The following LPAR1 variants were observed in gnomAD, a reference collection of about 807,000 sequenced individuals.
The protein encoded by LPAR1 is LPA receptor 1.
In LPAR1, 5 loss-of-function variants were observed where a neutral mutation model predicts 23.8. That is an observed-to-expected ratio of 0.21 (90% CI 0.11 to 0.44). The LOEUF (loss-of-function observed/expected upper bound fraction) is 0.44, where lower values mean the gene tolerates loss of function less well. Among genes scored for constraint, LPAR1 ranks in the 20% least tolerant of loss-of-function variants. The pLI, the probability that LPAR1 is intolerant of heterozygous loss-of-function variation, is 0.99. For synonymous variants in LPAR1, 160 were observed against 164.7 expected (o/e 0.97, Z 0.22); for missense variants, 311 against 482.8 (o/e 0.64, Z 3.33).
intron 5 of LPAR1, among the ~76,000 whole-genome samples, chr9:110,917,459 A>T (rs1252775244): frequency 6.6e-6 from 1 of 152,222 alleles, no homozygotes; most frequent in Non-Finnish European, 1.5e-5. Flanking sequence ...GAGCCAACCA[A>T]TATATTAGAA....
intron 5 of LPAR1, among the ~76,000 whole-genome samples, chr9:110,885,933 C>G (rs1203470884): frequency 6.6e-6 from 1 of 152,172 alleles, no homozygotes; most frequent in East Asian, 1.9e-4. Flanking sequence ...CGTGGTGGCT[C>G]ATGCCTGTAA....
At chr9:110,904,301 CATT>C (rs1384486526) in intron 5 of LPAR1, among the ~76,000 whole-genome samples, 1 of 152,032 alleles carries the variant, frequency 6.6e-6, no homozygotes, top group African/African-American at 2.4e-5. Context: ...ATGACTTAAA[CATT>C]ATAACACCAT....
intron 2 of LPAR1, among the ~76,000 whole-genome samples, chr9:111,013,173 T>C (rs2140730124): frequency 6.6e-6 from 1 of 152,286 alleles, no homozygotes; most frequent in East Asian, 1.9e-4. Context: ...AGGCCAAAAG[T>C]GCTTGTAAAA....
At chr9:110,936,937 T>C (rs1398800872) in intron 5 of LPAR1, among the ~76,000 whole-genome samples, 1 of 152,198 alleles carries the variant, frequency 6.6e-6, no homozygotes, top group Non-Finnish European at 1.5e-5. Flanking sequence ...ACGGCCACTC[T>C]GACTCAATAG....
chr9:111,029,820 G>A (rs541170559), intron 2 of LPAR1, among the ~76,000 whole-genome samples: 3 of 151,768 alleles, frequency 2.0e-5, no homozygotes, highest in Non-Finnish European at 4.4e-5. Flanking sequence ...AGAGGCCGAG[G>A]CGGGTGGTTC....
intron 5 of LPAR1, among the ~76,000 whole-genome samples, chr9:110,877,650 T>C (rs2079474987): frequency 6.6e-6 from 1 of 152,220 alleles, no homozygotes; most frequent in Admixed American, 6.5e-5. Context: ...TGCCATTTAC[T>C]TGGAAACTAA....
intron 5 of LPAR1, among the ~76,000 whole-genome samples, chr9:110,892,384 A>T (rs2084507271): frequency 6.6e-6 from 1 of 152,142 alleles, no homozygotes; most frequent in Non-Finnish European, 1.5e-5. Flanking sequence ...GTCATAGCTC[A>T]GGCCGGCACG....
At chr9:110,932,081 A>G (rs1488648387) in intron 5 of LPAR1, among the ~76,000 whole-genome samples, 1 of 152,178 alleles carries the variant, frequency 6.6e-6, no homozygotes, top group Non-Finnish European at 1.5e-5. Flanking sequence ...TAACGACCTT[A>G]TGGCAAATAT....
At chr9:110,899,219 T>A (rs139339987) in intron 5 of LPAR1, among the ~76,000 whole-genome samples, 2 of 152,230 alleles carry the variant, frequency 1.3e-5, no homozygotes, top group African/African-American at 4.8e-5. Context: ...CAATTTACTA[T>A]GAAATTTCTA....
chr9:110,903,405 A>G (rs1463446107), intron 5 of LPAR1: 1 of 152,206 alleles, frequency 6.6e-6, no homozygotes, highest in African/African-American at 2.4e-5. Context: ...TGGCCCCTGC[A>G]CAAGGGTGAC....
chr9:110,905,286 T>C (rs2090838968), intron 5 of LPAR1, among the ~76,000 whole-genome samples: 3 of 142,286 alleles, frequency 2.1e-5, no homozygotes, highest in African/African-American at 4.9e-5. Context: ...CATATATGGA[T>C]GGTTGGGTAC....
chr9:110,962,371 C>G (rs2096029968), intron 4 of LPAR1, among the ~76,000 whole-genome samples: 3 of 152,148 alleles, frequency 2.0e-5, no homozygotes, highest in African/African-American at 7.2e-5. Context: ...TAAGGTAATA[C>G]TAAACAGAGT....
intron 2 of LPAR1, among the ~76,000 whole-genome samples, chr9:111,030,984 T>C (rs1251615457): frequency 6.6e-6 from 1 of 152,120 alleles, no homozygotes; most frequent in Non-Finnish European, 1.5e-5. Context: ...TATACATAAA[T>C]ATTAATTTTT....
intron 5 of LPAR1, among the ~76,000 whole-genome samples, chr9:110,889,235 G>T (rs552851132): frequency 3.0e-4 from 46 of 152,284 alleles, no homozygotes; most frequent in African/African-American, 1.1e-3. Context: ...TTGGGCGCCT[G>T]TAGTCTCAGC....
chr9:110,878,219 A>G (rs563490235), intron 5 of LPAR1, among the ~76,000 whole-genome samples: 3 of 152,278 alleles, frequency 2.0e-5, no homozygotes, highest in South Asian at 4.1e-4. Context: ...AGTGACTCAC[A>G]GTACAGGCCT....
intron 5 of LPAR1, among the ~76,000 whole-genome samples, chr9:110,894,905 C>T (rs1054792705): frequency 1.3e-5 from 2 of 151,670 alleles, no homozygotes; most frequent in Non-Finnish European, 2.9e-5. Flanking sequence ...CATGTCCCAA[C>T]GACATGGGAG....
chr9:110,892,831 AGGCAGGCAGGCAGGCAGGC>A (rs2084903223), intron 5 of LPAR1, among the ~76,000 whole-genome samples: 11 of 60,568 alleles, frequency 1.8e-4, no homozygotes, highest in African/African-American at 8.6e-4. Flanking sequence ...GAAGGAAGGC[AGGCAGGCAGGCAGGCAGGC>A]AGGCAGGCAG....
chr9:110,885,808 A>C (rs1010977169), intron 5 of LPAR1, among the ~76,000 whole-genome samples: 1 of 152,202 alleles, frequency 6.6e-6, no homozygotes, highest in Non-Finnish European at 1.5e-5. Context: ...CATGCCTATA[A>C]TCCCAACACT....
At chr9:111,034,487 C>G (rs1440248144) in intron 2 of LPAR1, among the ~76,000 whole-genome samples, 2 of 152,172 alleles carry the variant, frequency 1.3e-5, no homozygotes, top group Non-Finnish European at 2.9e-5. Flanking sequence ...CCACAAGGTC[C>G]AGCTATAACA....
Sources: gnomAD v4.1 joint callset for allele counts (sites outside exome capture counted in the v4.1 genomes callset) on GRCh38, gnomAD v4.1.1 for gene constraint, MANE v1.5 for transcripts, NCBI Gene and HGNC (gene_info 2026-07-23, HGNC 2026-07-21) for gene names.